The following FBLN1 variants were observed in gnomAD, a reference collection of about 807,000 sequenced individuals.
FBLN1 encodes the protein fibulin 1.
FBLN1 carries 34 observed loss-of-function variants against 89.7 expected under a neutral mutation model. That is an observed-to-expected ratio of 0.38 (90% confidence interval 0.29 to 0.50). FBLN1 has a LOEUF of 0.50. FBLN1 is among the 20% of genes least tolerant of loss of function. The pLI, the probability that FBLN1 is intolerant of heterozygous loss-of-function variation, is 0.92. For missense variants in FBLN1, 777 were observed against 988.1 expected (o/e 0.79, Z 2.86); for synonymous variants, 393 against 391.3 (o/e 1.00, Z -0.05).
chr22:45,519,436 C>A (rs1300515387), intron 2 of FBLN1, among the ~76,000 whole-genome samples: 1 of 151,746 alleles, frequency 6.6e-6, no homozygotes, highest in East Asian at 2.0e-4. Context: ...GCCTGGCCAA[C>A]ATGGTGAAAC....
rs1386747414 is a variant in FBLN1 at position 45,562,083 on chromosome 22, C to G, written c.1697+11468C>G. ...CACACCCAGGATCAATACTTTGTAT[C>G]CTTCAATCCAATCAAGTTGACACTA... On this transcript the variant is annotated intron_variant, in intron 14 of 16. Coordinates refer to ENST00000327858, the MANE Select transcript of FBLN1 (RefSeq NM_006486.3). This position sits in a 1 kb window ranked among gnomAD's most constrained non-coding sequence, Gnocchi z 7.8. Among the ~76,000 whole-genome samples the G allele has an allele frequency of 6.6e-6, 1 of 152,194 alleles. No individual in the cohort carries two copies. The highest frequency in any genetic ancestry group is 1.5e-5 in the Non-Finnish European group (1 of 68,032).
chr22:45,525,648 CA>C lies in FBLN1; in HGVS notation c.293del (p.Asn98ThrfsTer9). ...ACCGCTGTGCCACGCCCCACGGTGA[CA>C]ACGCCAGCCTGGAGGCCACATTTGT... ...QDRCATPHGDNASLEATFVKR... is the reference protein window; with the variant it reads ...QDRCATPHGDXASLEATFVKR... On this transcript the variant is annotated frameshift_variant, in exon 3 of 17. Transcript: ENST00000327858. LOFTEE classifies it high-confidence loss of function. The C allele has an allele frequency of 6.4e-7, 1 of 1,551,364 alleles. No homozygotes were observed. Among genetic ancestry groups the C allele is most frequent in the Non-Finnish European group, 8.7e-7 (1 of 1,146,998 alleles).
chr22:45,545,083 C>T lies in FBLN1; in HGVS notation c.1321+1557C>T, dbSNP rs895642143. On this transcript the variant is annotated intron_variant, in intron 11 of 16. Coordinates refer to ENST00000327858, the MANE Select transcript of FBLN1 (RefSeq NM_006486.3). The surrounding 1 kb of genome is among the most constrained non-coding windows in gnomAD (Gnocchi z 5.9). ...GAATTTTCCTTCCTGATGAGATGGT[C>T]GCAGGGGTTGGATATGCCACAGTGA... Among the ~76,000 whole-genome samples, 8 of 152,226 alleles carry T rather than the reference C, an allele frequency of 5.3e-5. No individual in the cohort carries two copies. Among genetic ancestry groups the T allele is most frequent in the African/African-American group, 1.7e-4 (7 of 41,534 alleles).
chr22:45,522,046 C>T lies in FBLN1; in HGVS notation c.185+3259C>T, dbSNP rs561918275. Among the ~76,000 whole-genome samples, 206 of 151,858 alleles carry T rather than the reference C, an allele frequency of 1.4e-3. 2 individuals carry two copies. Among genetic ancestry groups the T allele is most frequent in the Middle Eastern group, 6.8e-3 (2 of 292 alleles). On this transcript the variant is annotated intron_variant, in intron 2 of 16. Coordinates refer to ENST00000327858, the MANE Select transcript of FBLN1 (RefSeq NM_006486.3). ...TGTCGCCCAGGCTGGAGTGCAATGG[C>T]GCAATCTCAGCTTGCTGCAACCTCC...
At position 45,589,960 on chromosome 22, in the gene FBLN1, A is replaced by T. The variant is rs115091407; in HGVS notation, c.1973-10347A>T. ...CGGTTTGGGGTGTGTATTTCTCCGA[A>T]GCTCTCCCAAAGGAGATTTGCTTAC... On this transcript the variant is annotated intron_variant, in intron 16 of 16. Transcript: ENST00000327858. 5.4e-3 allele frequency among the ~76,000 whole-genome samples: 825 copies of T among 152,184 alleles called. 7 individuals carry two copies. The highest frequency in any genetic ancestry group is 0.019 in the African/African-American group (784 of 41,492).
rs1038044886 is a variant in FBLN1, at chr22:45,556,450, T to C, written c.1697+5835T>C. Reference sequence around the variant, plus strand: ...AGCAAGCACCTTGGCAGATCTTGTTTTTTTTTTTTCCTGGTGGAGTGACCC... The same window carrying C: ...AGCAAGCACCTTGGCAGATCTTGTTCTTTTTTTTTCCTGGTGGAGTGACCC... On this transcript the variant is annotated intron_variant, in intron 14 of 16. Coordinates refer to ENST00000327858, the MANE Select transcript of FBLN1 (RefSeq NM_006486.3). The surrounding 1 kb of genome is among the most constrained non-coding windows in gnomAD (Gnocchi z 4.6). Among the ~76,000 whole-genome samples, 4 of 152,122 alleles carry C rather than the reference T, an allele frequency of 2.6e-5. No homozygotes were observed. The highest frequency in any genetic ancestry group is 4.4e-5 in the Non-Finnish European group (3 of 67,996).
Position 45,527,893 on chromosome 22 carries a change from G to C in FBLN1, c.368G>C (p.Gly123Ala). Residue 123 changes from glycine to alanine, a missense_variant, in exon 4 of 17, where the codon GGC (glycine) becomes GCC (alanine). Physicochemically the swap from Gly to Ala is moderately conservative, Grantham distance 60. Coordinates refer to ENST00000327858, the MANE Select transcript of FBLN1 (RefSeq NM_006486.3). Reference sequence around the variant, plus strand: ...CTGGGGAGGGCGGCCCAGGCCCAGGGCCAGAGCTGCGAGTACAGCCTCATG... The same window carrying C: ...CTGGGGAGGGCGGCCCAGGCCCAGGCCCAGAGCTGCGAGTACAGCCTCATG... ...CLLGRAAQAQ[G>A]QSCEYSLMVG... 1 of 1,614,166 alleles carries C rather than the reference G, an allele frequency of 6.2e-7. No homozygotes were observed. The highest frequency in any genetic ancestry group is 8.5e-7 in the Non-Finnish European group (1 of 1,180,036).
In FBLN1 at chr22:45,565,100, T is replaced by A. The variant is rs1443283521; in HGVS notation, c.1698-9411T>A. On this transcript the variant is annotated intron_variant, in intron 14 of 16. Coordinates refer to ENST00000327858, the MANE Select transcript of FBLN1 (RefSeq NM_006486.3). Reference sequence around the variant, plus strand: ...TTTCCCCACGGCCCTTGCCACTGTCTCCTGGCCCTCTCTCTGATCATGCCA... The same window carrying A: ...TTTCCCCACGGCCCTTGCCACTGTCACCTGGCCCTCTCTCTGATCATGCCA... 2.5e-6 allele frequency: 4 copies of A among 1,592,544 alleles called. No homozygotes were observed. In the African/African-American group the frequency reaches 4.0e-5, roughly 16 times the overall value.
chr22:45,572,696 A>G lies in FBLN1; in HGVS notation c.1698-1815A>G, dbSNP rs2088961386. Among the ~76,000 whole-genome samples, 1 of 152,242 alleles carries G rather than the reference A, an allele frequency of 6.6e-6. No homozygotes were observed. Among genetic ancestry groups the G allele is most frequent in the Admixed American group, 6.5e-5 (1 of 15,284 alleles). ...TTGAGCATCAGTAGATGCTGTCCTC[A>G]CAGAGACAGCCAGTCACTGTGTGGC... On this transcript the variant is annotated intron_variant, in intron 14 of 16. Transcript: ENST00000327858. This position sits in a 1 kb window ranked among gnomAD's most constrained non-coding sequence, Gnocchi z 5.8.
At position 45,562,830 on chromosome 22, in the gene FBLN1, C is replaced by CGCATCCCCGCGCTCT; in HGVS notation, c.1698-11678_1698-11664dup. On this transcript the variant is annotated intron_variant, in intron 14 of 16. Coordinates refer to ENST00000327858, the MANE Select transcript of FBLN1 (RefSeq NM_006486.3). This position sits in a 1 kb window ranked among gnomAD's most constrained non-coding sequence, Gnocchi z 7.8. ...GGCGGGAGGCCCCGCCTGCCAGCCCCGCATCCCCGCGCTCTGCCGTTTCTC... is the reference window on the plus strand; with the variant it reads ...GGCGGGAGGCCCCGCCTGCCAGCCCCGCATCCCCGCGCTCTGCATCCCCGCGCTCTGCCGTTTCTC... The CGCATCCCCGCGCTCT allele has an allele frequency of 7.2e-7, 1 of 1,389,236 alleles. No homozygotes were observed. Among genetic ancestry groups the CGCATCCCCGCGCTCT allele is most frequent in the African/African-American group, 1.4e-5 (1 of 70,974 alleles). 86.1% of individuals were successfully genotyped at this position (1,389,236 alleles called of 1,614,324 possible).
intron 4 of FBLN1, among the ~76,000 whole-genome samples, chr22:45,529,836 C>T (rs918927801): frequency 1.6e-4 from 24 of 152,248 alleles, no homozygotes; most frequent in African/African-American, 5.5e-4. Context: ...CATTGCATTC[C>T]AGCCTGGGTG....
At chr22:45,567,663 T>C (rs567620525) in intron 14 of FBLN1, among the ~76,000 whole-genome samples, 2 of 152,170 alleles carry the variant, frequency 1.3e-5, no homozygotes, top group Admixed American at 1.3e-4. Context: ...GAAAGGCAGA[T>C]GCATTATTTC....
intron 14 of FBLN1, among the ~76,000 whole-genome samples, chr22:45,554,042 AAGAC>A (rs1205786642): frequency 6.6e-6 from 1 of 152,214 alleles, no homozygotes; most frequent in East Asian, 1.9e-4. Context: ...GCTTTGAAGT[AAGAC>A]AGGCCGACTT....
At chr22:45,518,825 G>A (rs1306978874) in intron 2 of FBLN1, 38 bp downstream of exon 2, 3 of 1,522,786 alleles carry the variant, frequency 2.0e-6, no homozygotes, top group African/African-American at 1.4e-5. Flanking sequence ...CTGGAACAAT[G>A]TTCCTTTAGA....
chr22:45,546,363 C>T (rs371071276), intron 11 of FBLN1, among the ~76,000 whole-genome samples: 21 of 152,240 alleles, frequency 1.4e-4, no homozygotes, highest in South Asian at 1.0e-3. Context: ...ACTACAGGTG[C>T]GTGCCACCAT....
At chr22:45,571,111 C>CAAAAAAAAAAAAAAAAAA (rs542647353) in intron 14 of FBLN1, among the ~76,000 whole-genome samples, 6 of 70,846 alleles carry the variant, frequency 8.5e-5, no homozygotes, top group Admixed American at 1.8e-4. Context: ...ACAAGAGTCT[C>CAAAAAAAAAAAAAAAAAA]AAAAAAAAAA....
At position 45,561,358 on chromosome 22, in the gene FBLN1, C is replaced by A. The variant is rs888697203; in HGVS notation, c.1697+10743C>A. Among the ~76,000 whole-genome samples, 1 of 152,212 alleles carries A rather than the reference C, an allele frequency of 6.6e-6. No individual in the cohort carries two copies. Among genetic ancestry groups the A allele is most frequent in the Non-Finnish European group, 1.5e-5 (1 of 68,032 alleles). ...AATCCCTGAGTTCATAATTTTCTTT[C>A]ATCACTTTGTCCACTAAACTTAGGA... On this transcript the variant is annotated intron_variant, in intron 14 of 16. Transcript: ENST00000327858. This position sits in a 1 kb window ranked among gnomAD's most constrained non-coding sequence, Gnocchi z 4.7.
At chr22:45,542,401 G>A (rs2088569476) in intron 10 of FBLN1, 118 bp downstream of exon 10, 14 of 1,381,810 alleles carry the variant, frequency 1.0e-5, no homozygotes, top group African/African-American at 2.8e-5. Flanking sequence ...CCAAGTGCAG[G>A]CAGACCCTGA....
chr22:45,573,280 C>G (rs987411884), intron 14 of FBLN1, among the ~76,000 whole-genome samples: 1 of 151,808 alleles, frequency 6.6e-6, no homozygotes, highest in Non-Finnish European at 1.5e-5. Flanking sequence ...GAGAAGAAAC[C>G]TGTAGCTTAA....
Sources: allele counts gnomAD v4.1 joint callset (sites outside exome capture counted in the v4.1 genomes callset), GRCh38; gene constraint gnomAD v4.1.1; non-coding constraint Gnocchi (gnomAD v3.1); transcripts MANE v1.5; gene names NCBI Gene and HGNC (gene_info 2026-07-23, HGNC 2026-07-21).